MAPK6: variants seen among roughly 807,000 people sequenced by gnomAD.
The protein encoded by MAPK6 is ERK-3.
In MAPK6, 19 loss-of-function variants were observed where a neutral mutation model predicts 59.3. The observed-to-expected ratio is 0.32, with a 90% CI of 0.22 to 0.47. The LOEUF (loss-of-function observed/expected upper bound fraction) is 0.47, where lower values mean the gene tolerates loss of function less well. Among genes scored for constraint, MAPK6 ranks in the 20% least tolerant of loss-of-function variants. MAPK6 has a pLI of 1.00. For missense variants in MAPK6, 724 were observed against 847.9 expected (o/e 0.85, Z 1.81); for synonymous variants, 316 against 290.3 (o/e 1.09, Z -0.90).
rs775828656 is a variant in MAPK6 at position 52,066,858 on chromosome 15, A to C, written c.*1858A>C. On this transcript the variant is annotated 3_prime_UTR_variant, in exon 6 of 6. Transcript: ENST00000261845. ...ACGTTATTAATTTAAACATACTCAAATTACCTTAAGAGGACAAGCTCTGAA... is the reference window on the plus strand; with the variant it reads ...ACGTTATTAATTTAAACATACTCAACTTACCTTAAGAGGACAAGCTCTGAA... 5 of 151,898 alleles carry C rather than the reference A, an allele frequency of 3.3e-5. No homozygotes were observed. Among genetic ancestry groups the C allele is most frequent in the Non-Finnish European group, 7.4e-5 (5 of 67,990 alleles). The allele number at this position is 151,898 out of a possible 1,614,324, so 9.4% of individuals were successfully genotyped here.
At chr15:51,988,614 C>A (rs991621214) in intron 2 of MAPK6, among the ~76,000 whole-genome samples, 2 of 151,950 alleles carry the variant, frequency 1.3e-5, no homozygotes, top group East Asian at 3.9e-4. Context: ...CACCTGTAGT[C>A]CCAGCTACTC....
intron 1 of MAPK6, among the ~76,000 whole-genome samples, chr15:52,028,948 A>G (rs960276680): frequency 6.6e-6 from 1 of 152,226 alleles, no homozygotes; most frequent in African/African-American, 2.4e-5. Context: ...CATTCAATAT[A>G]GTTGACCACT....
intron 5 of MAPK6, among the ~76,000 whole-genome samples, chr15:52,063,045 G>T (rs1346675016): frequency 6.6e-6 from 1 of 151,998 alleles, no homozygotes; most frequent in Admixed American, 6.6e-5. Flanking sequence ...TTTTCTCCAT[G>T]TGTCCATTTC....
At chr15:52,036,300 T>G (rs565087206) in intron 1 of MAPK6, among the ~76,000 whole-genome samples, 6 of 152,176 alleles carry the variant, frequency 3.9e-5, no homozygotes, top group Non-Finnish European at 5.9e-5. Context: ...TCTTTAAACT[T>G]ATGGTTTATT....
chr15:52,016,070 G>GCGCGCGCACGCACACA, upstream of MAPK6, among the ~76,000 whole-genome samples: 1 of 55,392 alleles, frequency 1.8e-5, no homozygotes, highest in Non-Finnish European at 3.4e-5. Flanking sequence ...GCGCGCGCGC[G>GCGCGCGCACGCACACA]CACACACACA....
intron 1 of MAPK6, among the ~76,000 whole-genome samples, chr15:52,041,563 T>C (rs962387877): frequency 1.3e-5 from 2 of 152,196 alleles, no homozygotes; most frequent in African/African-American, 4.8e-5. Flanking sequence ...AGTACACTGA[T>C]GTGGATAGAG....
chr15:52,047,069 G>C, intron 2 of MAPK6, 54 bp downstream of exon 2: 1 of 1,259,098 alleles, frequency 7.9e-7, no homozygotes. Flanking sequence ...ACCTAATCAG[G>C]AATAGGTACT....
chr15:52,009,747 A>C (rs2030001642), intron 3 of MAPK6, among the ~76,000 whole-genome samples: 1 of 152,184 alleles, frequency 6.6e-6, no homozygotes, highest in Non-Finnish European at 1.5e-5. Context: ...AAGGAAAGCC[A>C]GGTTTTGTCT....
At position 52,067,055 on chromosome 15, in the gene MAPK6, T is replaced by C. The variant is rs960983918; in HGVS notation, c.*2055T>C. The C allele has an allele frequency of 6.6e-6, 1 of 152,118 alleles. No homozygotes were observed. Among genetic ancestry groups the C allele is most frequent in the African/African-American group, 2.4e-5 (1 of 41,418 alleles). 9.4% of individuals were successfully genotyped at this position (152,118 alleles called of 1,614,324 possible). A position where few individuals can be genotyped will look rare whatever the true frequency, so the allele number is the denominator to read the frequency against. On this transcript the variant is annotated 3_prime_UTR_variant, in exon 6 of 6. Transcript: ENST00000261845. ...CCTGATCCTCCATTATAACCAATTT[T>C]TTGCAAACGTATGTTGATTTTGAGA...
At chr15:52,007,717 A>T (rs1328370973) in intron 3 of MAPK6, among the ~76,000 whole-genome samples, 6 of 151,946 alleles carry the variant, frequency 3.9e-5, no homozygotes, top group African/African-American at 1.4e-4. Flanking sequence ...AAAAAAAAAA[A>T]AATTAATTCC....
intron 1 of MAPK6, among the ~76,000 whole-genome samples, chr15:52,040,144 A>G (rs984101936): frequency 6.6e-6 from 1 of 152,216 alleles, no homozygotes; most frequent in Non-Finnish European, 1.5e-5. Context: ...AAATCTTAGT[A>G]GCTTTGATGA....
intron 1 of MAPK6, among the ~76,000 whole-genome samples, chr15:51,979,126 AAAGG>A (rs1198227445): frequency 1.5e-4 from 22 of 148,306 alleles, no homozygotes; most frequent in African/African-American, 2.5e-4. Context: ...AGAGAGAAAG[AAAGG>A]AAGGAAGGGA....
chr15:52,043,292 A>G (rs2031483771), intron 1 of MAPK6, among the ~76,000 whole-genome samples: 1 of 152,064 alleles, frequency 6.6e-6, no homozygotes, highest in African/African-American at 2.4e-5. Context: ...AATTATTTTT[A>G]TTTTTTATTT....
At chr15:52,054,821 G>C (rs984070569) in intron 3 of MAPK6, among the ~76,000 whole-genome samples, 1 of 149,552 alleles carries the variant, frequency 6.7e-6, no homozygotes, top group Non-Finnish European at 1.5e-5. Flanking sequence ...TCTTCCTCTT[G>C]TTGCCTAGCC....
chr15:51,973,593 A>G (rs1370798066), intron 1 of MAPK6, among the ~76,000 whole-genome samples: 1 of 151,812 alleles, frequency 6.6e-6, no homozygotes, highest in African/African-American at 2.4e-5. Flanking sequence ...TTTTTCCCAT[A>G]TGAATAGTAT....
chr15:52,053,552 GTTT>G (rs201552416), intron 3 of MAPK6, among the ~76,000 whole-genome samples: 2 of 151,710 alleles, frequency 1.3e-5, no homozygotes, highest in African/African-American at 4.8e-5. Flanking sequence ...CTATTCTGCA[GTTT>G]TTTTTCCCTT....
chr15:52,013,990 C>T (rs1372330476), intron 3 of MAPK6, among the ~76,000 whole-genome samples: 2 of 152,136 alleles, frequency 1.3e-5, no homozygotes, highest in East Asian at 3.8e-4. Flanking sequence ...TGTCTTCATT[C>T]TCCCAGGCCT....
chr15:52,046,789 A>T lies in MAPK6; in HGVS notation c.329A>T (p.Tyr110Phe). The change falls in exon 2 of 6, where the codon TAC becomes TTC. Residue 110 changes from tyrosine to phenylalanine, a missense_variant. Tyr to Phe is a conservative substitution (Grantham distance 22, BLOSUM62 3). Transcript: ENST00000261845. ...AACAGTGTTTACATTGTTCAGGAGTACATGGAGACAGACTTGGCTAATGTG... is the reference window on the plus strand; with the variant it reads ...AACAGTGTTTACATTGTTCAGGAGTTCATGGAGACAGACTTGGCTAATGTG... ...ELNSVYIVQEYMETDLANVLE... is the reference protein window; with the variant it reads ...ELNSVYIVQEFMETDLANVLE... 1 of 1,613,968 alleles carries T rather than the reference A, an allele frequency of 6.2e-7. No individual in the cohort carries two copies. The highest frequency in any genetic ancestry group is 8.5e-7 in the Non-Finnish European group (1 of 1,179,918).
At chr15:52,009,358 T>C (rs2141829892) in intron 3 of MAPK6, among the ~76,000 whole-genome samples, 1 of 152,290 alleles carries the variant, frequency 6.6e-6, no homozygotes, top group East Asian at 1.9e-4. Context: ...CTCCAGAAAT[T>C]AGGAGTATCT....
Sources: gnomAD v4.1 joint callset for allele counts (sites outside exome capture counted in the v4.1 genomes callset) on GRCh38, gnomAD v4.1.1 for gene constraint, MANE v1.5 for transcripts, NCBI Gene and HGNC (gene_info 2026-07-23, HGNC 2026-07-21) for gene names.